The following CCDC47 variants were observed in gnomAD, a reference collection of about 807,000 sequenced individuals.
CCDC47 encodes the protein coiled-coil domain containing 47, also known as PAT complex subunit CCDC47.
CCDC47 carries 41 observed loss-of-function variants against 60.5 expected under a neutral mutation model. The observed-to-expected ratio is 0.68, with a 90% confidence interval of 0.53 to 0.88. CCDC47 has a LOEUF of 0.88. Among genes scored for constraint, CCDC47 ranks in the 40% least tolerant of loss-of-function variants. The pLI, the probability that CCDC47 is intolerant of heterozygous loss-of-function variation, is 0.00. For missense variants in CCDC47, 513 were observed against 580.9 expected (o/e 0.88, Z 1.20); for synonymous variants, 195 against 190.7 (o/e 1.02, Z -0.18).
intron 8 of CCDC47, among the ~76,000 whole-genome samples, chr17:63,755,611 T>C (rs749000445): frequency 1.3e-4 from 20 of 152,286 alleles, no homozygotes; most frequent in Admixed American, 3.9e-4. Context: ...AGGGGATCCT[T>C]TATAAACATG....
At chr17:63,748,211 G>C (rs1173776195) in intron 12 of CCDC47, among the ~76,000 whole-genome samples, 1 of 151,156 alleles carries the variant, frequency 6.6e-6, no homozygotes, top group Non-Finnish European at 1.5e-5. Flanking sequence ...TCTGTTGCCT[G>C]GGATGACTCT....
chr17:63,755,265 A>T lies in CCDC47; in HGVS notation c.949-747T>A, dbSNP rs2039196818. 4 of 983,306 alleles carry T rather than the reference A, an allele frequency of 4.1e-6. No individual in the cohort carries two copies. The African/African-American group carries it at 7.0e-5, about 17-fold the overall frequency. 60.9% of individuals were successfully genotyped at this position (983,306 alleles called of 1,614,324 possible). A position where few individuals can be genotyped will look rare whatever the true frequency, so the allele number is the denominator to read the frequency against. The stretch of plus-strand genomic sequence containing the variant: ...TACAAGTGTGAACCACAGCGCGCGG[A>T]CAAGGCTAAAGCTTTTTAAAAATTA... On this transcript the variant is annotated intron_variant, in intron 8 of 12. Transcript: ENST00000225726.
chr17:63,753,358 C>T (rs2039181368), intron 9 of CCDC47: 2 of 273,958 alleles, frequency 7.3e-6, no homozygotes, highest in South Asian at 2.8e-4. Context: ...ATGATGAATG[C>T]TACAATGTGA....
chr17:63,771,500 T>C (rs1386308183), intron 1 of CCDC47, among the ~76,000 whole-genome samples: 1 of 152,178 alleles, frequency 6.6e-6, no homozygotes, highest in Admixed American at 6.5e-5. Context: ...TGGGAAAGCA[T>C]GCCACTTTGT....
intron 4 of CCDC47, 155 bp from the exon 5 acceptor site, chr17:63,761,506 C>A (rs1175188818): frequency 1.7e-4 from 86 of 506,814 alleles, no homozygotes; most frequent in Admixed American, 1.1e-3. Context: ...ATGGTGAAAC[C>A]CTGTCCCTAC....
In CCDC47 at chr17:63,756,319, C is replaced by T; in HGVS notation, c.869G>A (p.Gly290Glu). 1 of 1,614,040 alleles carries T rather than the reference C, an allele frequency of 6.2e-7. No homozygotes were observed. The highest frequency in any genetic ancestry group is 8.5e-7 in the Non-Finnish European group (1 of 1,179,972). ...AGAGTCCGGCAGTCCATACTTTGCTCCAGACTTAGGTTTATCACTACAAAA... is the reference window on the plus strand; with the variant it reads ...AGAGTCCGGCAGTCCATACTTTGCTTCAGACTTAGGTTTATCACTACAAAA... ...SEFCSDKPKS[G>E]AKYGLPDSLA... Residue 290 changes from glycine (G) to glutamate (E), a missense_variant, in exon 8 of 13, where the codon GGA becomes GAA. Transcript: ENST00000225726.
intron 6 of CCDC47, 25 bp from the exon 7 acceptor site, chr17:63,756,595 C>G (rs766431559): frequency 5.9e-6 from 9 of 1,521,418 alleles, no homozygotes; most frequent in Non-Finnish European, 8.2e-6. Flanking sequence ...TAAAAAACAA[C>G]AAAATTCACC....
chr17:63,756,484 T>C lies in CCDC47; in HGVS notation c.822A>G (p.Lys274=). Residue 274 remains lysine (K), a synonymous_variant, in exon 7 of 13, where the codon AAA becomes AAG. Transcript: ENST00000225726. The part of the protein sequence containing the change: ...GTRKALVRLQ[K]EMQDLSEFCS... The stretch of plus-strand genomic sequence containing the variant: ...CCTGACATACCAAATCCTGCATCTC[T>C]TTCTGTAGTCGCACCAAGGCTTTCC... The C allele has an allele frequency of 1.2e-6, 2 of 1,613,860 alleles. No homozygotes were observed. Among genetic ancestry groups the C allele is most frequent in the East Asian group, 2.2e-5 (1 of 44,888 alleles).
chr17:63,757,605 CT>C (rs1312730512), intron 6 of CCDC47, among the ~76,000 whole-genome samples: 4 of 152,120 alleles, frequency 2.6e-5, no homozygotes, highest in Admixed American at 2.6e-4. Context: ...AGCTGCTACA[CT>C]TGGGTAATTT....
At position 63,771,045 on chromosome 17, in the gene CCDC47, G is replaced by GAAGGAAGGAAGAAAGA. The variant is rs759971442; in HGVS notation, c.-20+2366_-20+2367insTCTTTCTTCCTTCCTT. On this transcript the variant is annotated intron_variant, in intron 1 of 12. Transcript: ENST00000225726. The stretch of plus-strand genomic sequence containing the variant: ...GGAAGGAAGGAAGGAAGGAAGGAAG[G>GAAGGAAGGAAGAAAGA]AAGAAAGAAAGAAAGAAATTAAATG... 4.6e-3 allele frequency among the ~76,000 whole-genome samples: 451 copies of GAAGGAAGGAAGAAAGA among 97,806 alleles called. 2 individuals carry two copies. Among genetic ancestry groups the GAAGGAAGGAAGAAAGA allele is most frequent in the African/African-American group, 0.011 (264 of 24,236 alleles). The allele number at this position is 97,806 out of a possible 152,430, so 64.2% of individuals were successfully genotyped here. A position where few individuals can be genotyped will look rare whatever the true frequency, so the allele number is the denominator to read the frequency against.
rs370815100 is a variant in CCDC47 at position 63,752,390 on chromosome 17, G to C, written c.1133C>G (p.Ala378Gly). ...SGNTYPKDME[A>G]LLPLMNMVIY... ...CACCATGTTCATCAGGGGTAGCAGT[G>C]CCTCCATATCCTTTGGGTAAGTGTT... is the stretch of plus-strand genomic sequence containing the variant. The change falls in exon 11 of 13, where the codon GCA (alanine) becomes GGA (glycine). Residue 378 changes from alanine to glycine, a missense_variant. Physicochemically the swap from Ala to Gly is moderately conservative, Grantham distance 60. Transcript: ENST00000225726. The C allele has an allele frequency of 4.0e-5, 64 of 1,613,736 alleles. No homozygotes were observed. Among genetic ancestry groups the C allele is most frequent in the Non-Finnish European group, 4.7e-5 (55 of 1,179,870 alleles).
chr17:63,766,326 A>T, intron 1 of CCDC47, 132 bp from the exon 2 acceptor site: 2 of 817,120 alleles, frequency 2.4e-6, no homozygotes, highest in African/African-American at 3.5e-5. Context: ...ACCACATTAT[A>T]TAAAGAACAA....
intron 12 of CCDC47, chr17:63,747,300 A>G (rs1323155523): frequency 1.0e-6 from 1 of 984,812 alleles, no homozygotes; most frequent in Non-Finnish European, 1.2e-6. Context: ...CATACCATTC[A>G]TGATGGCATT....
At position 63,752,706 on chromosome 17, in the gene CCDC47, A is replaced by C. The variant is rs2039176375; in HGVS notation, c.1093+35T>G. The C allele has an allele frequency of 1.9e-6, 3 of 1,592,520 alleles. No individual in the cohort carries two copies. In the African/African-American group the frequency reaches 4.1e-5, roughly 22 times the overall value. The stretch of plus-strand genomic sequence containing the variant: ...ACTCTCCTTAAGGTCATCTCAGAGA[A>C]GACTAAGAACCCAGAAAGGACCCAG... On this transcript the variant is annotated intron_variant, in intron 10 of 12. Transcript: ENST00000225726.
At position 63,746,952 on chromosome 17, in the gene CCDC47, A is replaced by T; in HGVS notation, c.1381T>A (p.Leu461Met). The T allele has an allele frequency of 6.2e-7, 1 of 1,613,560 alleles. No homozygotes were observed. The highest frequency in any genetic ancestry group is 8.5e-7 in the Non-Finnish European group (1 of 1,179,726). The change falls in exon 13 of 13, where the codon TTG (leucine) becomes ATG (methionine). Residue 461 changes from leucine to methionine, a missense_variant. Leu to Met is a conservative substitution (Grantham distance 15). Coordinates refer to ENST00000225726, the MANE Select transcript of CCDC47 (RefSeq NM_020198.3). ...TCCAACTTCTTTTGCTCACGCCTCAATGCAGCCTCCTAGAGAAAGAAGGGG... is the reference window on the plus strand; with the variant it reads ...TCCAACTTCTTTTGCTCACGCCTCATTGCAGCCTCCTAGAGAAAGAAGGGG... ...EKQRRLEEAALRREQKKLEKK... is the reference protein window; with the variant it reads ...EKQRRLEEAAMRREQKKLEKK...
At chr17:63,747,833 G>A in intron 12 of CCDC47, 6 of 974,058 alleles carry the variant, frequency 6.2e-6, no homozygotes, top group Non-Finnish European at 7.3e-6. Flanking sequence ...CCTGGTTTGG[G>A]AACTATTGAC....
intron 12 of CCDC47, chr17:63,747,887 C>CTG (rs1314888591): frequency 3.0e-6 from 2 of 657,762 alleles, no homozygotes; most frequent in African/African-American, 4.0e-5. Context: ...TAGGGTCTTG[C>CTG]TGTGTCACCC....
Position 63,761,334 on chromosome 17 carries a change from T to G in CCDC47, c.565A>C (p.Lys189Gln). The G allele has an allele frequency of 6.2e-7, 1 of 1,613,980 alleles. No homozygotes were observed. The highest frequency in any genetic ancestry group is 8.5e-7 in the Non-Finnish European group (1 of 1,179,986). Residue 189 changes from lysine (K) to glutamine (Q), a missense_variant, in exon 5 of 13, where the codon AAA becomes CAA. Lys to Gln is a moderately conservative substitution (Grantham distance 53, BLOSUM62 1). Transcript: ENST00000225726. Reference protein sequence around the residue: ...FTLVGDDGTNKEATSTGKLNQ... With the variant: ...FTLVGDDGTNQEATSTGKLNQ... ...AACTTTCCTGTGCTTGTGGCTTCTT[T>G]GTTAGTTCCATCATCCCCTAGGGGT...
At chr17:63,756,764 C>G (rs1425967703) in intron 6 of CCDC47, among the ~76,000 whole-genome samples, 194 bp from the exon 7 acceptor site, 1 of 152,098 alleles carries the variant, frequency 6.6e-6, no homozygotes, top group Non-Finnish European at 1.5e-5. Flanking sequence ...AATCAGCTGA[C>G]TGTGAATTAA....
Sources: allele counts gnomAD v4.1 joint callset (sites outside exome capture counted in the v4.1 genomes callset), GRCh38; gene constraint gnomAD v4.1.1; transcripts MANE v1.5; gene names NCBI Gene and HGNC (gene_info 2026-07-23, HGNC 2026-07-21).